The following RABEP1 variants were observed in gnomAD, a reference collection of about 807,000 sequenced individuals.
The protein encoded by RABEP1 is rab GTPase-binding effector protein 1.
In RABEP1, 51 loss-of-function variants were observed where a neutral mutation model predicts 123.4. The ratio of observed to expected loss-of-function variants is 0.41; its 90% confidence interval spans 0.33 to 0.52. RABEP1 has a LOEUF of 0.52. RABEP1 is among the 20% of genes least tolerant of loss of function. The pLI, the probability that RABEP1 is intolerant of heterozygous loss-of-function variation, is 0.16. For synonymous variants in RABEP1, 347 were observed against 355.2 expected, an observed-to-expected ratio of 0.98 and a Z score of 0.26; for missense variants, 888 against 996.3, an observed-to-expected ratio of 0.89 and a Z score of 1.46.
At chr17:5,328,524 T>TAG (rs1014581497) in intron 2 of RABEP1, among the ~76,000 whole-genome samples, 10 of 151,572 alleles carry the variant, frequency 6.6e-5, no homozygotes, top group African/African-American at 2.4e-4. Flanking sequence ...CATGTGCCTA[T>TAG]AGTCCCAGCT....
intron 8 of RABEP1, chr17:5,356,650 T>A: frequency 9.9e-6 from 1 of 101,314 alleles, no homozygotes; most frequent in East Asian, 7.4e-4. Flanking sequence ...AACATATTTC[T>A]TTTTTTTTTT....
At chr17:5,357,529 G>A (rs1024341694) in intron 8 of RABEP1, among the ~76,000 whole-genome samples, 3 of 151,924 alleles carry the variant, frequency 2.0e-5, no homozygotes, top group Non-Finnish European at 2.9e-5. Flanking sequence ...ACACCACCAC[G>A]CCCAGCTATT....
intron 2 of RABEP1, among the ~76,000 whole-genome samples, chr17:5,327,963 G>A (rs1252623435): frequency 6.6e-6 from 1 of 152,170 alleles, no homozygotes; most frequent in Non-Finnish European, 1.5e-5. Context: ...TACAGATAAA[G>A]CAGGTTTCAG....
chr17:5,283,227 G>C (rs1399816557), intron 1 of RABEP1, among the ~76,000 whole-genome samples: 1 of 151,942 alleles, frequency 6.6e-6, no homozygotes, highest in Non-Finnish European at 1.5e-5. Flanking sequence ...GTATTATGGA[G>C]GTATTAGGAA....
chr17:5,384,305 G>A lies in RABEP1; in HGVS notation c.*1082G>A, dbSNP rs75766639. On this transcript the variant is annotated 3_prime_UTR_variant, in exon 18 of 18. Coordinates refer to ENST00000537505, the MANE Select transcript of RABEP1 (RefSeq NM_004703.6). ...TTTCCTGTGTGAAGAAAGCCTCAGTGAAACAGGTCTTTGCCATAACTTTAT... is the reference window on the plus strand; with the variant it reads ...TTTCCTGTGTGAAGAAAGCCTCAGTAAAACAGGTCTTTGCCATAACTTTAT... 263 of 213,872 alleles carry A rather than the reference G, an allele frequency of 1.2e-3. No homozygotes were observed. The highest frequency in any genetic ancestry group is 5.4e-3 in the African/African-American group (241 of 44,434). The allele number at this position is 213,872 out of a possible 1,614,324, so 13.2% of individuals were successfully genotyped here.
At chr17:5,320,795 C>G (rs956270305) in intron 2 of RABEP1, among the ~76,000 whole-genome samples, 1 of 152,038 alleles carries the variant, frequency 6.6e-6, no homozygotes, top group African/African-American at 2.4e-5. Flanking sequence ...AAATAAAAAG[C>G]AATGAATTAA....
chr17:5,361,728 A>T (rs1909562229), intron 9 of RABEP1, 53 bp downstream of exon 9: 4 of 1,439,022 alleles, frequency 2.8e-6, no homozygotes, highest in Middle Eastern at 1.9e-4. Flanking sequence ...GCACACTGGG[A>T]AGCTCTGGGA....
At chr17:5,339,001 T>C (rs1462647701) in intron 5 of RABEP1, among the ~76,000 whole-genome samples, 3 of 151,850 alleles carry the variant, frequency 2.0e-5, no homozygotes, top group Non-Finnish European at 4.4e-5. Flanking sequence ...CTACAAAAAT[T>C]TTTTAAAAAG....
chr17:5,314,080 A>G (rs1461427379), intron 2 of RABEP1, among the ~76,000 whole-genome samples: 8 of 152,204 alleles, frequency 5.3e-5, no homozygotes, highest in Non-Finnish European at 1.2e-4. Flanking sequence ...AAGTCCAAAC[A>G]TTGGTTTTTC....
chr17:5,339,020 G>A (rs548999035), intron 5 of RABEP1, among the ~76,000 whole-genome samples: 2 of 152,088 alleles, frequency 1.3e-5, no homozygotes, highest in Non-Finnish European at 1.5e-5. Context: ...AGCCAGACAC[G>A]GTGGTGCATG....
chr17:5,298,830 T>G (rs573906585), intron 1 of RABEP1, among the ~76,000 whole-genome samples: 3 of 152,158 alleles, frequency 2.0e-5, no homozygotes, highest in Non-Finnish European at 4.4e-5. Flanking sequence ...TAATTTTTTG[T>G]ATTTTTAGTA....
At chr17:5,294,936 G>A (rs185591132) in intron 1 of RABEP1, among the ~76,000 whole-genome samples, 41 of 151,168 alleles carry the variant, frequency 2.7e-4, no homozygotes, top group Middle Eastern at 3.4e-3. Context: ...GTGAGCCACC[G>A]TGCCCGGCCA....
chr17:5,289,535 G>GT (rs948900779), intron 1 of RABEP1, among the ~76,000 whole-genome samples: 2 of 150,104 alleles, frequency 1.3e-5, no homozygotes, highest in Non-Finnish European at 3.0e-5. Context: ...AACACTTGTG[G>GT]TTTTTTATAT....
chr17:5,327,382 C>T (rs1381246084), intron 2 of RABEP1, among the ~76,000 whole-genome samples: 1 of 150,730 alleles, frequency 6.6e-6, no homozygotes, highest in Admixed American at 6.6e-5. Flanking sequence ...ACAAACAAAA[C>T]CCAAAAAGCA....
At position 5,297,819 on chromosome 17, in the gene RABEP1, C is replaced by G. The variant is rs188937612; in HGVS notation, c.35-10875C>G. On this transcript the variant is annotated intron_variant, in intron 1 of 17. Transcript: ENST00000537505. ...TCAAACCCTAGTTTAATTCCAGAGCCTGTGCTCTCAGCTGTTATGCTCTAT... is the reference window on the plus strand; with the variant it reads ...TCAAACCCTAGTTTAATTCCAGAGCGTGTGCTCTCAGCTGTTATGCTCTAT... 1.7e-3 allele frequency among the ~76,000 whole-genome samples: 262 copies of G among 152,304 alleles called. 1 individual carries two copies. Among genetic ancestry groups the G allele is most frequent in the Middle Eastern group, 3.4e-3 (1 of 294 alleles).
chr17:5,283,246 A>C (rs991597299), intron 1 of RABEP1, among the ~76,000 whole-genome samples: 1 of 152,152 alleles, frequency 6.6e-6, no homozygotes, highest in African/African-American at 2.4e-5. Context: ...AATAATGAGA[A>C]TAGTGTTTGA....
chr17:5,367,592 A>G (rs957200849), intron 11 of RABEP1, among the ~76,000 whole-genome samples: 2 of 151,022 alleles, frequency 1.3e-5, no homozygotes, highest in South Asian at 2.1e-4. Context: ...TTTTTTAAAA[A>G]AAGTATGGAT....
At chr17:5,290,704 C>A (rs1298895315) in intron 1 of RABEP1, among the ~76,000 whole-genome samples, 1 of 152,134 alleles carries the variant, frequency 6.6e-6, no homozygotes, top group Non-Finnish European at 1.5e-5. Context: ...GTGATCCTTT[C>A]ATCTCAGCCT....
intron 2 of RABEP1, among the ~76,000 whole-genome samples, chr17:5,311,717 AAAAC>A (rs1342585082): frequency 3.2e-4 from 49 of 151,268 alleles, no homozygotes; most frequent in African/African-American, 1.1e-3. Flanking sequence ...AAAAAAAAAA[AAAAC>A]AGACTAAAAA....
Sources: allele counts gnomAD v4.1 joint callset (sites outside exome capture counted in the v4.1 genomes callset), GRCh38; gene constraint gnomAD v4.1.1; transcripts MANE v1.5; gene names NCBI Gene and HGNC (gene_info 2026-07-23, HGNC 2026-07-21).